The following HDHD2 variants were observed in gnomAD, a reference collection of about 807,000 sequenced individuals.
HDHD2 encodes the protein haloacid dehalogenase-like hydrolase domain-containing protein 2.
Under a neutral mutation model 24.8 loss-of-function variants are expected in HDHD2, and 26 were observed. The observed-to-expected ratio is 1.05, with a 90% CI of 0.77 to 1.45. The LOEUF is 1.45. Ranked by LOEUF, HDHD2 falls within the 40% of genes most tolerant of loss-of-function variation. The pLI, the probability that HDHD2 is intolerant of heterozygous loss-of-function variation, is 0.00. For synonymous variants in HDHD2, 128 were observed against 114.9 expected (o/e 1.11, Z -0.73); for missense variants, 299 against 313.4 (o/e 0.95, Z 0.35).
chr18:47,143,530 TAG>T (rs756744230), intron 1 of HDHD2, among the ~76,000 whole-genome samples: 1 of 152,218 alleles, frequency 6.6e-6, no homozygotes, highest in Non-Finnish European at 1.5e-5. Flanking sequence ...AGTGTTCTAG[TAG>T]AGTTATTTTT....
Position 47,142,278 on chromosome 18 carries a change from TA to T in HDHD2, c.-10-5830del, listed in dbSNP as rs11431487. Reference sequence around the variant, plus strand: ...CCATAAATAAATGTTTTTCATTTCATAAAAAAAAAAAAGTTTGTAGAAAAAA... The same window carrying T: ...CCATAAATAAATGTTTTTCATTTCATAAAAAAAAAAAGTTTGTAGAAAAAA... On this transcript the variant is annotated intron_variant, in intron 1 of 6. Coordinates refer to ENST00000300605, the MANE Select transcript of HDHD2 (RefSeq NM_032124.5). 1.4e-3 allele frequency among the ~76,000 whole-genome samples: 213 copies of T among 148,876 alleles called. 1 individual carries two copies. The highest frequency in any genetic ancestry group is 7.0e-3 in the South Asian group (33 of 4,710).
chr18:47,144,757 A>G (rs959703722), intron 1 of HDHD2, among the ~76,000 whole-genome samples: 1 of 150,016 alleles, frequency 6.7e-6, no homozygotes, highest in East Asian at 2.0e-4. Flanking sequence ...CTATGATAGC[A>G]CCACTGCATT....
At position 47,130,285 on chromosome 18, in the gene HDHD2, T is replaced by G; in HGVS notation, c.354A>C (p.Ala118=). The G allele has an allele frequency of 6.2e-7, 1 of 1,609,076 alleles. No homozygotes were observed. The highest frequency in any genetic ancestry group is 2.2e-5 in the East Asian group (1 of 44,744). The change falls in exon 4 of 7, where the codon GCA becomes GCC. Residue 118 remains alanine (A), a synonymous_variant. Transcript: ENST00000300605. ...SDPNAVVMGL[A]PEHFHYQILN... ...GAATTTGATAATGAAAATGTTCTGGTGCCAATCCCATGACCACAGCATTAG... is the reference window on the plus strand; with the variant it reads ...GAATTTGATAATGAAAATGTTCTGGGGCCAATCCCATGACCACAGCATTAG...
At chr18:47,146,229 C>CAAAAAAAAAAAAAAAAAAAAAAAAAAAA (rs61430354) in intron 1 of HDHD2, among the ~76,000 whole-genome samples, 1 of 58,942 alleles carries the variant, frequency 1.7e-5, no homozygotes. Flanking sequence ...GAATGTGTCT[C>CAAAAAAAAAAAAAAAAAAAAAAAAAAAA]AAAAAAAAAA....
At chr18:47,111,350 T>A (rs2144273611) in intron 6 of HDHD2, 1 of 967,960 alleles carries the variant, frequency 1.0e-6, no homozygotes, top group Admixed American at 7.0e-5. Context: ...TCAGTGTAAA[T>A]CCTTAATTAC....
intron 2 of HDHD2, among the ~76,000 whole-genome samples, chr18:47,136,001 T>C (rs2063762462): frequency 6.6e-6 from 1 of 152,230 alleles, no homozygotes; most frequent in Non-Finnish European, 1.5e-5. Context: ...GTGTTTTATT[T>C]TGTGATTCCA....
chr18:47,125,653 T>C (rs2063651757), intron 4 of HDHD2, among the ~76,000 whole-genome samples: 1 of 152,218 alleles, frequency 6.6e-6, no homozygotes, highest in Admixed American at 6.5e-5. Context: ...ATGCTATAAT[T>C]CTATGATTTC....
intron 4 of HDHD2, among the ~76,000 whole-genome samples, chr18:47,120,875 C>T (rs1555649587): frequency 6.6e-6 from 1 of 152,120 alleles, no homozygotes; most frequent in Non-Finnish European, 1.5e-5. Flanking sequence ...TCAGAACACA[C>T]ACAACATTAA....
intron 2 of HDHD2, among the ~76,000 whole-genome samples, chr18:47,135,333 C>T (rs1412965737): frequency 5.3e-5 from 8 of 149,556 alleles, no homozygotes; most frequent in Admixed American, 1.3e-4. Context: ...ACGATCTCAG[C>T]GCACCGCAAC....
At chr18:47,130,591 T>C (rs2063704782) in intron 3 of HDHD2, among the ~76,000 whole-genome samples, 1 of 152,218 alleles carries the variant, frequency 6.6e-6, no homozygotes, top group Non-Finnish European at 1.5e-5. Context: ...GGGTACTAAG[T>C]AACCAGAAGA....
At chr18:47,125,430 C>CATA (rs1435179623) in intron 4 of HDHD2, among the ~76,000 whole-genome samples, 3 of 151,916 alleles carry the variant, frequency 2.0e-5, no homozygotes, top group Non-Finnish European at 4.4e-5. Context: ...CCCCAAAAGA[C>CATA]ATATACAAGA....
chr18:47,122,986 C>T (rs1285093093), intron 4 of HDHD2, among the ~76,000 whole-genome samples: 1 of 152,076 alleles, frequency 6.6e-6, no homozygotes, highest in Non-Finnish European at 1.5e-5. Context: ...GAAAGTTCTA[C>T]CCCTGAATTT....
rs1599924790 is a variant in HDHD2, at chr18:47,115,312, G to C, written c.432C>G (p.His144Gln). ...CTTTCCTCTTGTAATACCTGGCTTT[G>C]TGGATTGCTATCAGAGGTGCTCCAT... ...LLDGAPLIAI[H>Q]KARYYKRKDG... The change falls in exon 5 of 7, where the codon CAC becomes CAG. Residue 144 changes from histidine (H) to glutamine (Q), a missense_variant. Physicochemically the swap from His to Gln is conservative, Grantham distance 24. Transcript: ENST00000300605. The C allele has an allele frequency of 5.0e-6, 8 of 1,613,960 alleles. No individual in the cohort carries two copies. The East Asian group carries it at 1.8e-4, about 36-fold the overall frequency.
In HDHD2 at chr18:47,131,465, C is replaced by G. The variant is rs75108999; in HGVS notation, c.311-1137G>C. 3.2e-3 allele frequency among the ~76,000 whole-genome samples: 486 copies of G among 152,248 alleles called. 7 individuals carry two copies. The highest frequency in any genetic ancestry group is 0.026 in the East Asian group (133 of 5,180). On this transcript the variant is annotated intron_variant, in intron 3 of 6. Coordinates refer to ENST00000300605, the MANE Select transcript of HDHD2 (RefSeq NM_032124.5). ...TATTCCAGACTCATACCATGCCTGT[C>G]CAGATCTGAAATCAGTAATTTCTCC...
chr18:47,112,991 A>G lies in HDHD2; in HGVS notation c.662T>C (p.Ile221Thr), dbSNP rs2063527712. 1 of 1,613,830 alleles carries G rather than the reference A, an allele frequency of 6.2e-7. No homozygotes were observed. The highest frequency in any genetic ancestry group is 8.5e-7 in the Non-Finnish European group (1 of 1,179,794). ...AAGATACATACCAGTCTTTACTAAGATGCCCAGCATGCCGACATCTTGAGC... is the reference window on the plus strand; with the variant it reads ...AAGATACATACCAGTCTTTACTAAGGTGCCCAGCATGCCGACATCTTGAGC... Reference protein sequence around the residue: ...GGAQDVGMLGILVKTGKYRAS... With the variant: ...GGAQDVGMLGTLVKTGKYRAS... The change falls in exon 6 of 7, where the codon ATC (isoleucine) becomes ACC (threonine). Residue 221 changes from isoleucine (I) to threonine (T), a missense_variant. By Grantham distance (89) the Ile-to-Thr change is moderately conservative. Coordinates refer to ENST00000300605, the MANE Select transcript of HDHD2 (RefSeq NM_032124.5).
At chr18:47,122,132 C>T (rs1874563031) in intron 4 of HDHD2, among the ~76,000 whole-genome samples, 1 of 152,158 alleles carries the variant, frequency 6.6e-6, no homozygotes, top group South Asian at 2.1e-4. Context: ...AAAATAAGGC[C>T]TGGTACCTTT....
At chr18:47,112,804 G>C (rs2571016) in intron 6 of HDHD2, among the ~76,000 whole-genome samples, 173 bp downstream of exon 6, 63,137 of 152,040 alleles carry the variant, frequency 0.42, 13,358 homozygotes, top group Middle Eastern at 0.55. Context: ...GCTTTGTACA[G>C]CACGGGCCCT....
intron 4 of HDHD2, among the ~76,000 whole-genome samples, chr18:47,120,784 C>T (rs1402427066): frequency 2.6e-5 from 4 of 152,072 alleles, no homozygotes; most frequent in Non-Finnish European, 5.9e-5. Context: ...ATCAATTGGC[C>T]TAATCTGAGC....
At chr18:47,119,932 G>C (rs966086250) in intron 4 of HDHD2, among the ~76,000 whole-genome samples, 18 of 152,186 alleles carry the variant, frequency 1.2e-4, no homozygotes, top group Admixed American at 1.2e-3. Flanking sequence ...GGAGCTCTTG[G>C]GTGACCAGTT....
Sources: allele counts gnomAD v4.1 joint callset (sites outside exome capture counted in the v4.1 genomes callset), GRCh38; gene constraint gnomAD v4.1.1; transcripts MANE v1.5; gene names NCBI Gene and HGNC (gene_info 2026-07-23, HGNC 2026-07-21).